The following CCDC93 variants were observed in gnomAD, a reference collection of about 807,000 sequenced individuals.
CCDC93 encodes the protein CCC complex scaffolding subunit CCDC93.
In CCDC93, 61 loss-of-function variants were observed where a neutral mutation model predicts 108.2. That is an observed-to-expected ratio of 0.56 (90% confidence interval 0.46 to 0.70). The LOEUF is 0.70. Ranked by LOEUF, CCDC93 falls within the 30% of genes least tolerant of loss-of-function variation. The probability of loss-of-function intolerance (pLI) is 0.00; values close to 1 mark genes in which losing one functional copy is unlikely to be tolerated. For synonymous variants in CCDC93, 276 were observed against 260.4 expected (o/e 1.06, Z -0.58); for missense variants, 685 against 764.2 (o/e 0.90, Z 1.22).
chr2:117,940,924 C>G (rs1678681405), intron 19 of CCDC93, among the ~76,000 whole-genome samples: 1 of 152,178 alleles, frequency 6.6e-6, no homozygotes, highest in Non-Finnish European at 1.5e-5. Flanking sequence ...CAGGGGAAGG[C>G]TGTGTGGCTG....
intron 23 of CCDC93, among the ~76,000 whole-genome samples, chr2:117,924,554 T>G (rs1439735854): frequency 6.6e-6 from 1 of 151,972 alleles, no homozygotes; most frequent in Non-Finnish European, 1.5e-5. Context: ...ATGAATAAAA[T>G]CAAGCGAGAA....
intron 12 of CCDC93, among the ~76,000 whole-genome samples, chr2:117,953,555 T>C (rs560764448): frequency 6.6e-6 from 1 of 152,246 alleles, no homozygotes; most frequent in South Asian, 2.1e-4. Flanking sequence ...ATGGTCTGAA[T>C]GTTAGTGTCT....
intron 11 of CCDC93, among the ~76,000 whole-genome samples, chr2:117,969,281 C>T (rs1442756685): frequency 2.0e-5 from 3 of 152,116 alleles, no homozygotes; most frequent in Non-Finnish European, 4.4e-5. Context: ...AGCTAACGGC[C>T]AGCAAAAACT....
intron 6 of CCDC93, among the ~76,000 whole-genome samples, chr2:117,989,859 G>A (rs1032537902): frequency 2.0e-5 from 3 of 152,124 alleles, no homozygotes; most frequent in African/African-American, 7.2e-5. Flanking sequence ...TATTTTACAA[G>A]CTGAATGAAA....
chr2:117,975,661 T>G (rs544539858), intron 8 of CCDC93, among the ~76,000 whole-genome samples: 1 of 152,308 alleles, frequency 6.6e-6, no homozygotes, highest in African/African-American at 2.4e-5. Flanking sequence ...TAAAAGTAAT[T>G]TGGCAGGTAC....
chr2:117,945,520 G>A lies in CCDC93; in HGVS notation c.1350+9C>T, dbSNP rs769414600. On this transcript the variant is annotated intron_variant, in intron 17 of 23. Transcript: ENST00000376300. ...AGACAATGCCAGTCCTGAGCAGGCAGGTACTTACGTCATGAGTCATTGCAG... is the reference window on the plus strand; with the variant it reads ...AGACAATGCCAGTCCTGAGCAGGCAAGTACTTACGTCATGAGTCATTGCAG... 44 of 1,612,900 alleles carry A rather than the reference G, an allele frequency of 2.7e-5. 1 individual carries two copies. In the East Asian group the frequency reaches 5.8e-4, roughly 21 times the overall value.
At chr2:117,945,607 C>A (rs931041597) in intron 16 of CCDC93, 25 bp from the exon 17 acceptor site, 2 of 1,605,904 alleles carry the variant, frequency 1.2e-6, no homozygotes, top group Non-Finnish European at 1.7e-6. Context: ...ACATAATAAA[C>A]ACCTCTCCTG....
rs763956132 is a variant in CCDC93 at position 117,941,231 on chromosome 2, G to T, written c.1480C>A (p.Leu494Ile). The change falls in exon 19 of 24, where the codon CTA becomes ATA. Residue 494 changes from leucine to isoleucine, a missense_variant. Coordinates refer to ENST00000376300, the MANE Select transcript of CCDC93 (RefSeq NM_019044.5). ...KIDEVPSRAE[L>I]IQYQKRFIEL... Reference sequence around the variant, plus strand: ...ATAAATCTCTTCTGATACTGTATTAGCTCGGCACGGCTAGGGACTTCATCA... The same window carrying T: ...ATAAATCTCTTCTGATACTGTATTATCTCGGCACGGCTAGGGACTTCATCA... The T allele has an allele frequency of 5.3e-5, 86 of 1,613,822 alleles. No homozygotes were observed. The highest frequency in any genetic ancestry group is 6.5e-5 in the Non-Finnish European group (77 of 1,179,872).
At chr2:117,934,069 A>G (rs1678441331) in intron 22 of CCDC93, 1 of 152,238 alleles carries the variant, frequency 6.6e-6, no homozygotes, top group African/African-American at 2.4e-5. Context: ...GAGTGAAGAG[A>G]GTGAAGGGGT....
rs1677704567 is a variant in CCDC93, at chr2:117,916,944, C to T, written c.*3399G>A. 1 of 152,192 alleles carries T rather than the reference C, an allele frequency of 6.6e-6. No individual in the cohort carries two copies. The highest frequency in any genetic ancestry group is 1.5e-5 in the Non-Finnish European group (1 of 68,036). 9.4% of individuals were successfully genotyped at this position (152,192 alleles called of 1,614,324 possible). A position where few individuals can be genotyped will look rare whatever the true frequency, so the allele number is the denominator to read the frequency against. ...ATGGGGACAGATGATGGCATCCATC[C>T]TATGGGGCTCTTTATTGTACTGTTC... On this transcript the variant is annotated 3_prime_UTR_variant, in exon 24 of 24. Coordinates refer to ENST00000376300, the MANE Select transcript of CCDC93 (RefSeq NM_019044.5).
chr2:117,933,706 T>C (rs76420885), intron 22 of CCDC93, among the ~76,000 whole-genome samples: 1 of 107,112 alleles, frequency 9.3e-6, no homozygotes, highest in Non-Finnish European at 2.2e-5. Flanking sequence ...CAGGGAAAGC[T>C]TTTTTTTTTT....
In CCDC93 at chr2:117,974,001, G is replaced by A. The variant is rs573255320; in HGVS notation, c.802-7C>T. 8 of 1,586,734 alleles carry A rather than the reference G, an allele frequency of 5.0e-6. No homozygotes were observed. The African/African-American group carries it at 8.0e-5, about 16-fold the overall frequency. On this transcript the variant is annotated splice_region_variant and splice_polypyrimidine_tract_variant and intron_variant, in intron 10 of 23. Transcript: ENST00000376300. ...AGCTTGCGGTGAGACGGCTCTGCAA[G>A]TATATGGAGGGAATGTTCTCAAGGC...
At chr2:117,949,223 T>C in intron 14 of CCDC93, 99 bp downstream of exon 14, 1 of 820,472 alleles carries the variant, frequency 1.2e-6, no homozygotes, top group South Asian at 1.5e-5. Flanking sequence ...ACCAATAGCC[T>C]TTGGCTGCTT....
At chr2:117,975,320 G>A in intron 8 of CCDC93, 40 bp from the exon 9 acceptor site, 1 of 1,431,212 alleles carries the variant, frequency 7.0e-7, no homozygotes, top group Non-Finnish European at 9.8e-7. Flanking sequence ...CACGGGAGAT[G>A]GAGACTCAGT....
chr2:117,963,751 T>C (rs1259160144), intron 11 of CCDC93, among the ~76,000 whole-genome samples: 1 of 152,240 alleles, frequency 6.6e-6, no homozygotes, highest in Non-Finnish European at 1.5e-5. Flanking sequence ...TCAGATGGCA[T>C]CCTCACCAAA....
At chr2:117,973,260 G>A (rs189441320) in intron 11 of CCDC93, among the ~76,000 whole-genome samples, 1 of 152,002 alleles carries the variant, frequency 6.6e-6, no homozygotes, top group Non-Finnish European at 1.5e-5. Context: ...CATTTTAGGG[G>A]GACAGGGCTG....
chr2:117,985,297 G>A (rs1448718307), intron 7 of CCDC93: 1 of 180,342 alleles, frequency 5.5e-6, no homozygotes, highest in Admixed American at 6.5e-5. Flanking sequence ...AATGCAGTTA[G>A]TTCCAGCCAC....
At chr2:117,944,714 A>C (rs928628781) in intron 17 of CCDC93, 5 of 470,398 alleles carry the variant, frequency 1.1e-5, no homozygotes, top group East Asian at 1.4e-4. Flanking sequence ...ATATAAACAC[A>C]CCCCCCTACC....
At chr2:117,932,879 C>CCTCT (rs1678393583) in intron 22 of CCDC93, among the ~76,000 whole-genome samples, 1 of 152,310 alleles carries the variant, frequency 6.6e-6, no homozygotes, top group Admixed American at 6.5e-5. Context: ...CAGCTAGGTC[C>CCTCT]CTCTCTCTTA....
Sources: allele counts gnomAD v4.1 joint callset (sites outside exome capture counted in the v4.1 genomes callset), GRCh38; gene constraint gnomAD v4.1.1; transcripts MANE v1.5; gene names NCBI Gene and HGNC (gene_info 2026-07-23, HGNC 2026-07-21).